TRIO: variants seen among roughly 807,000 people sequenced by gnomAD.
The protein encoded by TRIO is trio Rho guanine nucleotide exchange factor.
In TRIO, 58 loss-of-function variants were observed where a neutral mutation model predicts 351.9. The ratio of observed to expected loss-of-function variants is 0.16; its 90% CI spans 0.13 to 0.21. The LOEUF is 0.21. Among genes scored for constraint, TRIO ranks in the 10% least tolerant of loss-of-function variants. The pLI is 1.00. For synonymous variants in TRIO, 1,758 were observed against 1,595.7 expected, an observed-to-expected ratio of 1.10 and a Z score of -2.42; for missense variants, 3,201 against 4,027.8, an observed-to-expected ratio of 0.79 and a Z score of 5.56.
chr5:14,174,143 A>G (rs1217546305), intron 1 of TRIO, among the ~76,000 whole-genome samples: 1 of 152,174 alleles, frequency 6.6e-6, no homozygotes, highest in Non-Finnish European at 1.5e-5. Context: ...GTTGCCTTCC[A>G]CCCGTGTGGC....
At chr5:14,464,682 A>G (rs1022090056) in intron 36 of TRIO, among the ~76,000 whole-genome samples, 3 of 152,192 alleles carry the variant, frequency 2.0e-5, no homozygotes, top group Non-Finnish European at 4.4e-5. Context: ...TTGTGAGTGT[A>G]TGAGCCTGTA....
At chr5:14,460,587 T>C (rs371890016) in intron 34 of TRIO, among the ~76,000 whole-genome samples, 1 of 152,250 alleles carries the variant, frequency 6.6e-6, no homozygotes, top group Non-Finnish European at 1.5e-5. Context: ...TTGGCATAGC[T>C]AAAACTTCTC....
chr5:14,275,932 ATGTG>A (rs930961235), intron 2 of TRIO, among the ~76,000 whole-genome samples: 2 of 148,030 alleles, frequency 1.4e-5, no homozygotes, highest in African/African-American at 4.9e-5. Context: ...GTTTATATAT[ATGTG>A]TGTCTATATA....
At position 14,487,761 on chromosome 5, in the gene TRIO, C is replaced by T. The variant is rs766225305; in HGVS notation, c.7133C>T (p.Pro2378Leu). 3.6e-6 allele frequency: 5 copies of T among 1,381,830 alleles called. No homozygotes were observed. Among genetic ancestry groups the T allele is most frequent in the South Asian group, 3.3e-5 (2 of 60,106 alleles). The allele number at this position is 1,381,830 out of a possible 1,614,324, so 85.6% of individuals were successfully genotyped here. ...TCCACCCCCGGGCCCTCCCTGCCTC[C>T]CCCTGGCGCGGCCCCCGAGGCCGGC... ...GTSTPGPSLP[P>L]PGAAPEAGPS... The change falls in exon 48 of 57, where the codon CCC (proline) becomes CTC (leucine). Residue 2378 changes from proline to leucine, a missense_variant. Transcript: ENST00000344204.
chr5:14,326,215 G>A (rs908427328), intron 9 of TRIO, among the ~76,000 whole-genome samples: 1 of 152,172 alleles, frequency 6.6e-6, no homozygotes, highest in African/African-American at 2.4e-5. Context: ...CTTAGGTCAG[G>A]GGCTGCTTCC....
intron 1 of TRIO, among the ~76,000 whole-genome samples, chr5:14,154,841 C>T (rs1044938633): frequency 1.3e-5 from 2 of 152,184 alleles, no homozygotes; most frequent in Non-Finnish European, 2.9e-5. Context: ...TTACCAGTCA[C>T]TTCCTCCTAG....
chr5:14,291,269 A>C, intron 5 of TRIO, 41 bp downstream of exon 5: 2 of 1,587,066 alleles, frequency 1.3e-6, no homozygotes, highest in Non-Finnish European at 1.7e-6. Context: ...GACATGGGGG[A>C]AGCCAGCGCT....
chr5:14,451,531 G>A (rs1338555939), intron 34 of TRIO, among the ~76,000 whole-genome samples: 1 of 152,220 alleles, frequency 6.6e-6, no homozygotes, highest in African/African-American at 2.4e-5. Flanking sequence ...AGCCTCCCTT[G>A]TATGGTGGAA....
chr5:14,355,542 G>A (rs1743544803), intron 11 of TRIO, among the ~76,000 whole-genome samples: 1 of 152,184 alleles, frequency 6.6e-6, no homozygotes, highest in Non-Finnish European at 1.5e-5. Flanking sequence ...GCTTTGTAAA[G>A]CATTTCCTAA....
chr5:14,341,609 T>C (rs145654348), intron 11 of TRIO, among the ~76,000 whole-genome samples: 342 of 152,368 alleles, frequency 2.2e-3, no homozygotes, highest in African/African-American at 7.7e-3. Flanking sequence ...CATTTTCAAA[T>C]ACAGCAAAAG....
intron 1 of TRIO, among the ~76,000 whole-genome samples, chr5:14,254,047 TTC>T (rs1417655080): frequency 8.6e-6 from 1 of 116,568 alleles, no homozygotes; most frequent in African/African-American, 4.4e-5. Context: ...ATTTCAAAAA[TTC>T]TCTCAGATTT....
intron 37 of TRIO, among the ~76,000 whole-genome samples, chr5:14,470,280 A>G (rs1362638545): frequency 6.7e-6 from 1 of 148,466 alleles, no homozygotes; most frequent in African/African-American, 2.6e-5. Context: ...GTTACTGTTA[A>G]GAGGAGAAAA....
At chr5:14,293,744 A>G (rs1157733415) in intron 6 of TRIO, among the ~76,000 whole-genome samples, 1 of 152,232 alleles carries the variant, frequency 6.6e-6, no homozygotes, top group African/African-American at 2.4e-5. Flanking sequence ...CACAGAAACC[A>G]AAACCAAACC....
At position 14,378,705 on chromosome 5, in the gene TRIO, G is replaced by A. The variant is rs771836267; in HGVS notation, c.3447+578G>A. Reference sequence around the variant, plus strand: ...CTCCCAAGTAGCTGTGATTACAGGCGTCCACCACCACGCCTGGGTAATTTT... The same window carrying A: ...CTCCCAAGTAGCTGTGATTACAGGCATCCACCACCACGCCTGGGTAATTTT... On this transcript the variant is annotated intron_variant, in intron 20 of 56. Transcript: ENST00000344204. Among the ~76,000 whole-genome samples, 20 of 152,038 alleles carry A rather than the reference G, an allele frequency of 1.3e-4. No individual in the cohort carries two copies. In the South Asian group the frequency reaches 1.5e-3, roughly 11 times the overall value.
intron 9 of TRIO, among the ~76,000 whole-genome samples, chr5:14,329,105 A>T (rs1004162959): frequency 6.6e-6 from 1 of 152,144 alleles, no homozygotes; most frequent in Non-Finnish European, 1.5e-5. Context: ...CCCTATATCT[A>T]TGAACATGGC....
At position 14,461,251 on chromosome 5, in the gene TRIO, C is replaced by G; in HGVS notation, c.5436C>G (p.Ala1812=). 1 of 1,593,594 alleles carries G rather than the reference C, an allele frequency of 6.3e-7. No individual in the cohort carries two copies. The highest frequency in any genetic ancestry group is 8.5e-7 in the Non-Finnish European group (1 of 1,171,640). ...KSREVRKSAD[A]GSQKDSDDSA... is the part of the protein sequence containing the mutation. ...GCGAGGTCCGCAAGAGCGCCGACGCCGGCTCGCAGAAGGACTCCGACGACA... is the reference window on the plus strand; with the variant it reads ...GCGAGGTCCGCAAGAGCGCCGACGCGGGCTCGCAGAAGGACTCCGACGACA... The change falls in exon 35 of 57, where the codon GCC becomes GCG. Residue 1812 remains alanine (A), a synonymous_variant. Coordinates refer to ENST00000344204, the MANE Select transcript of TRIO (RefSeq NM_007118.4).
At chr5:14,226,653 G>A (rs73057554) in intron 1 of TRIO, among the ~76,000 whole-genome samples, 6,453 of 152,258 alleles carry the variant, frequency 0.042, 471 homozygotes, top group African/African-American at 0.15. Flanking sequence ...TAATCACAAC[G>A]TTATAGTTTA....
intron 23 of TRIO, 40 bp from the exon 24 acceptor site, chr5:14,388,573 G>T: frequency 6.3e-7 from 1 of 1,578,592 alleles, no homozygotes. Context: ...GAAGTAAGCT[G>T]CACCCTGACT....
At chr5:14,217,001 G>GAAC (rs890430925) in intron 1 of TRIO, among the ~76,000 whole-genome samples, 19 of 152,334 alleles carry the variant, frequency 1.2e-4, no homozygotes, top group African/African-American at 4.6e-4. Flanking sequence ...GGCGTGCTGG[G>GAAC]AACAGCCCAG....
Sources: allele counts gnomAD v4.1 joint callset (sites outside exome capture counted in the v4.1 genomes callset), GRCh38; gene constraint gnomAD v4.1.1; transcripts MANE v1.5; gene names NCBI Gene and HGNC (gene_info 2026-07-23, HGNC 2026-07-21).